The following ARHGEF18 variants were observed in gnomAD, a reference collection of about 807,000 sequenced individuals.
ARHGEF18 encodes Rho/Rac guanine nucleotide exchange factor 18, also known as rho guanine nucleotide exchange factor 18.
A neutral mutation model predicts 155.7 loss-of-function variants in ARHGEF18; 93 were observed. The ratio of observed to expected loss-of-function variants is 0.60; its 90% CI spans 0.50 to 0.71. The LOEUF (loss-of-function observed/expected upper bound fraction) is 0.71. Ranked by LOEUF, ARHGEF18 falls within the 30% of genes least tolerant of loss-of-function variation. The pLI, the probability that ARHGEF18 is intolerant of heterozygous loss-of-function variation, is 0.00. For missense variants in ARHGEF18, 1,593 were observed against 1,816.1 expected (o/e 0.88, Z 2.23); for synonymous variants, 742 against 753.1 (o/e 0.99, Z 0.24).
At chr19:7,446,579 A>G (rs1209271357) in intron 14 of ARHGEF18, among the ~76,000 whole-genome samples, 2 of 151,972 alleles carry the variant, frequency 1.3e-5, no homozygotes, top group Non-Finnish European at 2.9e-5. Context: ...GGTCTCTACT[A>G]AAAATACAAA....
chr19:7,381,116 G>A (rs1970712633), intron 8 of ARHGEF18, 122 bp downstream of exon 8: 1 of 688,506 alleles, frequency 1.5e-6, no homozygotes, highest in East Asian at 3.4e-5. Context: ...TCAGGGCAAT[G>A]GTGGGAGCTG....
At chr19:7,361,980 C>T (rs1257950463) in intron 1 of ARHGEF18, among the ~76,000 whole-genome samples, 1 of 138,664 alleles carries the variant, frequency 7.2e-6, no homozygotes, top group African/African-American at 2.7e-5. Context: ...GGCAACAGAG[C>T]AAGACTCTGT....
chr19:7,479,346 T>G, the ARHGEF18 span, among the ~76,000 whole-genome samples: 1 of 151,652 alleles, frequency 6.6e-6, no homozygotes, highest in African/African-American at 2.4e-5. Context: ...TAGCTGGGGG[T>G]GGTGGTGGGC....
At chr19:7,439,283 C>CCCG (rs1352188800) in intron 10 of ARHGEF18, among the ~76,000 whole-genome samples, 1 of 149,986 alleles carries the variant, frequency 6.7e-6, no homozygotes, top group African/African-American at 2.5e-5. Flanking sequence ...TAGTGAGACC[C>CCCG]CCCCCCAACC....
rs527874142 is a variant in ARHGEF18 at position 7,415,146 on chromosome 19, G to A, written c.968-25198G>A. On this transcript the variant is annotated intron_variant, in intron 10 of 28. Transcript: ENST00000668164. ...CGCTTTCAACAAAGCTGGACCCAAG[G>A]ACCTTAGTTCCATCCCTTATCCCAT... is the stretch of plus-strand genomic sequence containing the variant. Among the ~76,000 whole-genome samples, 6 of 152,178 alleles carry A rather than the reference G, an allele frequency of 3.9e-5. No individual in the cohort carries two copies. The East Asian group carries it at 1.2e-3, about 29-fold the overall frequency.
chr19:7,436,346 G>A (rs12610092), intron 10 of ARHGEF18, among the ~76,000 whole-genome samples: 28,669 of 151,402 alleles, frequency 0.19, 3,011 homozygotes, highest in Non-Finnish European at 0.23. Flanking sequence ...GCATGATCTC[G>A]GCTTACCACA....
chr19:7,415,975 G>A (rs1201594831), intron 10 of ARHGEF18, among the ~76,000 whole-genome samples: 1 of 152,190 alleles, frequency 6.6e-6, no homozygotes, highest in African/African-American at 2.4e-5. Flanking sequence ...GTTCCCAGCT[G>A]AGGCTGAGCG....
chr19:7,432,971 G>A (rs970938617), intron 10 of ARHGEF18, among the ~76,000 whole-genome samples: 4 of 151,984 alleles, frequency 2.6e-5, no homozygotes, highest in Admixed American at 2.6e-4. Flanking sequence ...ACCAGCCTGG[G>A]CGACATAATG....
chr19:7,417,361 C>T (rs1005659145), intron 10 of ARHGEF18, among the ~76,000 whole-genome samples: 15 of 152,052 alleles, frequency 9.9e-5, no homozygotes, highest in Admixed American at 9.2e-4. Flanking sequence ...CCAGCCTGGG[C>T]AGCATAGCAA....
intron 1 of ARHGEF18, among the ~76,000 whole-genome samples, chr19:7,350,241 G>A (rs888999374): frequency 2.0e-5 from 3 of 152,212 alleles, no homozygotes; most frequent in Non-Finnish European, 4.4e-5. Flanking sequence ...CTGAGGTCTA[G>A]GAAGGTGGCC....
At chr19:7,373,231 C>A (rs75587565) in intron 3 of ARHGEF18, among the ~76,000 whole-genome samples, 160 bp downstream of exon 3, 1 of 152,346 alleles carries the variant, frequency 6.6e-6, no homozygotes, top group African/African-American at 2.4e-5. Context: ...GACAATTTTT[C>A]CATGGACCCA....
In ARHGEF18 at chr19:7,463,049, G is replaced by T. The variant is rs527796310; in HGVS notation, c.2635+715G>T. Among the ~76,000 whole-genome samples the T allele has an allele frequency of 1.3e-5, 2 of 152,104 alleles. No individual in the cohort carries two copies. The highest frequency in any genetic ancestry group is 6.5e-5 in the Admixed American group (1 of 15,268). On this transcript the variant is annotated intron_variant, in intron 21 of 28. Transcript: ENST00000668164. This position sits in a 1 kb window ranked among gnomAD's most constrained non-coding sequence, Gnocchi z 5.2. ...GGGTTTCACCATGTTGGCCAGGCTG[G>T]TCTCGAACTCCTGACCTCAGATGAT...
chr19:7,378,571 C>A, intron 6 of ARHGEF18, 120 bp downstream of exon 6: 1 of 721,060 alleles, frequency 1.4e-6, no homozygotes, highest in Non-Finnish European at 1.9e-6. Flanking sequence ...GGGCCAGACA[C>A]CATCCCACTA....
chr19:7,402,742 A>G (rs1972082640), intron 10 of ARHGEF18, among the ~76,000 whole-genome samples: 1 of 152,088 alleles, frequency 6.6e-6, no homozygotes, highest in Non-Finnish European at 1.5e-5. Context: ...CCTAATGCCC[A>G]GGAGATGTCA....
intron 2 of ARHGEF18, among the ~76,000 whole-genome samples, chr19:7,371,747 G>C (rs1970214253): frequency 6.6e-6 from 1 of 152,052 alleles, no homozygotes; most frequent in South Asian, 2.1e-4. Context: ...CTTGAACCCG[G>C]GAGGTGAAGG....
intron 2 of ARHGEF18, among the ~76,000 whole-genome samples, chr19:7,365,024 C>T (rs1216535002): frequency 5.9e-5 from 9 of 152,146 alleles, no homozygotes; most frequent in East Asian, 5.8e-4. Flanking sequence ...CCACAACATC[C>T]GCTACACTAA....
At chr19:7,432,215 C>T (rs1974007889) in intron 10 of ARHGEF18, among the ~76,000 whole-genome samples, 1 of 152,110 alleles carries the variant, frequency 6.6e-6, no homozygotes, top group Admixed American at 6.6e-5. Flanking sequence ...GCCGAAAAGG[C>T]AGGAACTGTG....
At chr19:7,445,790 T>G (rs2145801362) in intron 14 of ARHGEF18, among the ~76,000 whole-genome samples, 1 of 151,940 alleles carries the variant, frequency 6.6e-6, no homozygotes, top group East Asian at 1.9e-4. Context: ...CGGCTAATTT[T>G]TTTTGTATTT....
rs532174656 is a variant in ARHGEF18, at chr19:7,412,625, C to T, written c.968-27719C>T. On this transcript the variant is annotated intron_variant, in intron 10 of 28. Transcript: ENST00000668164. ...GGCGTGGTGGCAGGCGCCTGTAATC[C>T]CAGCTACTCAGGAGGCTGAGGCAGG... Among the ~76,000 whole-genome samples the T allele has an allele frequency of 3.4e-3, 516 of 151,628 alleles. 1 individual carries two copies. Among genetic ancestry groups the T allele is most frequent in the African/African-American group, 0.012 (491 of 41,354 alleles).
Sources: gnomAD v4.1 joint callset for allele counts (sites outside exome capture counted in the v4.1 genomes callset) on GRCh38, gnomAD v4.1.1 for gene constraint, Gnocchi (gnomAD v3.1) non-coding constraint, MANE v1.5 for transcripts, NCBI Gene and HGNC (gene_info 2026-07-23, HGNC 2026-07-21) for gene names.